NUCB2: variants seen among roughly 807,000 people sequenced by gnomAD.
The protein encoded by NUCB2 is nucleobindin 2, also known as nucleobindin-2.
NUCB2 carries 48 observed loss-of-function variants against 57.9 expected under a neutral mutation model. That is an observed-to-expected ratio of 0.83 (90% CI 0.66 to 1.05). The LOEUF is 1.05. Among genes scored for constraint, NUCB2 ranks in the 50% least tolerant of loss-of-function variants. NUCB2 has a pLI of 0.00. For missense variants in NUCB2, 442 were observed against 476.2 expected, an observed-to-expected ratio of 0.93 and a Z score of 0.67; for synonymous variants, 139 against 152.1, an observed-to-expected ratio of 0.91 and a Z score of 0.64.
At chr11:17,328,023 ATACT>A (rs1386253024) in intron 11 of NUCB2, among the ~76,000 whole-genome samples, 1 of 152,086 alleles carries the variant, frequency 6.6e-6, no homozygotes, top group Non-Finnish European at 1.5e-5. Context: ...GAAGAGTTAG[ATACT>A]TACTGTAATC....
rs1459956703 is a variant in NUCB2 at position 17,330,375 on chromosome 11, T to A, written c.1173+78T>A. The stretch of plus-strand genomic sequence containing the variant: ...AAAAGCCTGTGTTTTTGTAACATAT[T>A]TCATTGTACTATATAGTACACTGCT... On this transcript the variant is annotated intron_variant, in intron 12 of 13. Coordinates refer to ENST00000529010, the MANE Select transcript of NUCB2 (RefSeq NM_005013.4). The surrounding 1 kb of genome is among the most constrained non-coding windows in gnomAD (Gnocchi z 4.3). 9.5e-6 allele frequency: 10 copies of A among 1,054,744 alleles called. No homozygotes were observed. Among genetic ancestry groups the A allele is most frequent in the Non-Finnish European group, 2.8e-6 (2 of 715,262 alleles). The allele number at this position is 1,054,744 out of a possible 1,614,324, so 65.3% of individuals were successfully genotyped here. A position where few individuals can be genotyped will look rare whatever the true frequency, so the allele number is the denominator to read the frequency against.
intron 1 of NUCB2, among the ~76,000 whole-genome samples, chr11:17,278,986 A>G (rs1048180126): frequency 6.6e-6 from 1 of 152,160 alleles, no homozygotes; most frequent in African/African-American, 2.4e-5. Flanking sequence ...TGAGTCCAGG[A>G]GTTCAAGACC....
chr11:17,300,381 T>C (rs1173844139), intron 4 of NUCB2, among the ~76,000 whole-genome samples: 1 of 152,176 alleles, frequency 6.6e-6, no homozygotes, highest in Non-Finnish European at 1.5e-5. Context: ...TTTTAGAATA[T>C]TTTCATTGTT....
At chr11:17,293,051 C>T (rs926955958) in intron 2 of NUCB2, among the ~76,000 whole-genome samples, 18 of 151,946 alleles carry the variant, frequency 1.2e-4, no homozygotes, top group African/African-American at 3.9e-4. Context: ...GTCAGGAGTT[C>T]GAGACCAGCC....
At chr11:17,278,289 C>T (rs1002488552) in intron 1 of NUCB2, 1 of 151,076 alleles carries the variant, frequency 6.6e-6, no homozygotes, top group Admixed American at 6.7e-5. Context: ...GATTCTCCTA[C>T]CTCAGCCCAT....
intron 5 of NUCB2, among the ~76,000 whole-genome samples, chr11:17,302,840 C>T (rs974229068): frequency 4.0e-5 from 6 of 151,772 alleles, no homozygotes; most frequent in African/African-American, 1.2e-4. Context: ...CCCGGGTTCA[C>T]ACCATTCTCC....
chr11:17,288,950 C>CACACACACACACACACAT (rs1944414979), intron 2 of NUCB2, among the ~76,000 whole-genome samples: 1 of 33,160 alleles, frequency 3.0e-5, no homozygotes, highest in Non-Finnish European at 4.8e-5. Context: ...CACACACACA[C>CACACACACACACACACAT]ATATATATAT....
At chr11:17,282,238 A>ATCTATC (rs35737787) in intron 1 of NUCB2, among the ~76,000 whole-genome samples, 394 of 115,502 alleles carry the variant, frequency 3.4e-3, no homozygotes, top group East Asian at 0.011. Flanking sequence ...CTATCTATCT[A>ATCTATC]TATATATATA....
At chr11:17,294,015 G>A (rs1156977939) in intron 2 of NUCB2, among the ~76,000 whole-genome samples, 1 of 152,172 alleles carries the variant, frequency 6.6e-6, no homozygotes, top group Non-Finnish European at 1.5e-5. Context: ...ACACTGAATA[G>A]TATAATTTAA....
chr11:17,279,824 TG>T (rs1352820784), intron 1 of NUCB2, among the ~76,000 whole-genome samples: 32 of 141,004 alleles, frequency 2.3e-4, no homozygotes, highest in African/African-American at 8.2e-4. Context: ...CTCACTCTGT[TG>T]CCCAGGCTGA....
intron 2 of NUCB2, among the ~76,000 whole-genome samples, chr11:17,291,765 G>T (rs1487880759): frequency 6.6e-6 from 1 of 152,050 alleles, no homozygotes; most frequent in Non-Finnish European, 1.5e-5. Context: ...GATCAGAGAG[G>T]ATAATGTTCC....
intron 11 of NUCB2, among the ~76,000 whole-genome samples, chr11:17,325,614 T>C (rs568728281): frequency 6.6e-6 from 1 of 152,350 alleles, no homozygotes; most frequent in African/African-American, 2.4e-5. Context: ...TGGGTCTTGT[T>C]TTTTCATCTA....
chr11:17,314,432 C>T (rs902109117), intron 10 of NUCB2, among the ~76,000 whole-genome samples: 1 of 152,190 alleles, frequency 6.6e-6, no homozygotes, highest in South Asian at 2.1e-4. Flanking sequence ...TTCGTGACTT[C>T]ATCCTTGCCT....
intron 11 of NUCB2, among the ~76,000 whole-genome samples, chr11:17,319,757 T>C (rs1428139685): frequency 6.6e-6 from 1 of 152,172 alleles, no homozygotes; most frequent in African/African-American, 2.4e-5. Flanking sequence ...CAGGGGTACA[T>C]GTGCAGGTTT....
At chr11:17,316,716 A>C (rs1330560646) in intron 11 of NUCB2, among the ~76,000 whole-genome samples, 2 of 152,260 alleles carry the variant, frequency 1.3e-5, no homozygotes, top group Admixed American at 6.5e-5. Context: ...CTTGAAAAGA[A>C]TAGTTGAGAG....
intron 5 of NUCB2, among the ~76,000 whole-genome samples, chr11:17,306,595 A>T (rs535930531): frequency 6.6e-6 from 1 of 152,202 alleles, no homozygotes; most frequent in Non-Finnish European, 1.5e-5. Context: ...CTTCATTCCA[A>T]GATGGGTACT....
chr11:17,289,185 T>C (rs560341809), intron 2 of NUCB2, among the ~76,000 whole-genome samples: 89 of 152,074 alleles, frequency 5.9e-4, no homozygotes, highest in African/African-American at 2.1e-3. Context: ...CTTGAACTCC[T>C]AACCTCAACC....
At chr11:17,335,694 G>T (rs1192823242), downstream of NUCB2, among the ~76,000 whole-genome samples, 1 of 152,150 alleles carries the variant, frequency 6.6e-6, no homozygotes, top group Non-Finnish European at 1.5e-5. Flanking sequence ...TAGAGGCGGG[G>T]TTTCACCATA....
In NUCB2 at chr11:17,301,759, A is replaced by G. The variant is rs1946796223; in HGVS notation, c.268A>G (p.Lys90Glu). 1 of 1,609,148 alleles carries G rather than the reference A, an allele frequency of 6.2e-7. No homozygotes were observed. Among genetic ancestry groups the G allele is most frequent in the African/African-American group, 1.3e-5 (1 of 74,816 alleles). ...TTGTTAACAGAGTGGGAGGCTAAGC[A>G]AAGAACTGGATTTAGTAAGTCACCA... The part of the protein sequence containing the change: ...IEEIKSGRLS[K>E]ELDLVSHHVR... The change falls in exon 5 of 14, where the codon AAA (lysine) becomes GAA (glutamate). Residue 90 changes from lysine (K) to glutamate (E), a missense_variant. Lys to Glu is a moderately conservative substitution (Grantham distance 56, BLOSUM62 1). Coordinates refer to ENST00000529010, the MANE Select transcript of NUCB2 (RefSeq NM_005013.4).
Sources: allele counts gnomAD v4.1 joint callset (sites outside exome capture counted in the v4.1 genomes callset), GRCh38; gene constraint gnomAD v4.1.1; non-coding constraint Gnocchi (gnomAD v3.1); transcripts MANE v1.5; gene names NCBI Gene and HGNC (gene_info 2026-07-23, HGNC 2026-07-21).